MBD3: variants seen among roughly 807,000 people sequenced by gnomAD.
MBD3 encodes the protein methyl-CpG binding domain protein 3, also known as methyl-CpG-binding domain protein 3.
In MBD3, 13 loss-of-function variants were observed where a neutral mutation model predicts 31.2. The ratio of observed to expected loss-of-function variants is 0.42; its 90% confidence interval spans 0.27 to 0.66. The LOEUF (loss-of-function observed/expected upper bound fraction) is 0.66, where lower values mean the gene tolerates loss of function less well. MBD3 is among the 30% of genes least tolerant of loss of function. The pLI is 0.26. For missense variants in MBD3, 440 were observed against 426.5 expected (o/e 1.03, Z -0.28); for synonymous variants, 223 against 187.4 (o/e 1.19, Z -1.55).
At chr19:1,584,908 G>T in intron 2 of MBD3, 147 bp downstream of exon 2, 1 of 1,239,098 alleles carries the variant, frequency 8.1e-7, no homozygotes, top group Non-Finnish European at 1.1e-6. Flanking sequence ...TGCACCCTGT[G>T]GCCTGCGCCT....
chr19:1,587,111 G>GC (rs1792848984), intron 1 of MBD3, among the ~76,000 whole-genome samples: 1 of 151,820 alleles, frequency 6.6e-6, no homozygotes, highest in South Asian at 2.1e-4. Flanking sequence ...GACTACAGCT[G>GC]CCCACCACCA....
chr19:1,582,493 G>A (rs930725287), intron 4 of MBD3, 129 bp downstream of exon 4: 17 of 836,354 alleles, frequency 2.0e-5, no homozygotes, highest in South Asian at 2.0e-4. Flanking sequence ...TGCCCCAGTC[G>A]CTGGCAGATT....
chr19:1,588,795 A>AAAG (rs1426471350), intron 1 of MBD3, among the ~76,000 whole-genome samples: 1 of 151,396 alleles, frequency 6.6e-6, no homozygotes, highest in East Asian at 1.9e-4. Flanking sequence ...AAAAAAAAAA[A>AAAG]AAAAAAGGTG....
chr19:1,589,338 C>T (rs961192788), intron 1 of MBD3, among the ~76,000 whole-genome samples: 2 of 97,142 alleles, frequency 2.1e-5, no homozygotes, highest in Non-Finnish European at 3.7e-5. Context: ...GAACGAAACT[C>T]GGTCTCAAAA....
rs765411537 is a variant in MBD3 at position 1,581,141 on chromosome 19, T to C, written c.628A>G (p.Thr210Ala). Reference sequence around the variant, plus strand: ...AAGGCTTTGCACAGGGGCTGCGTGGTGTTGAGCCATACGCCGGGGTTCTTC... The same window carrying C: ...AAGGCTTTGCACAGGGGCTGCGTGGCGTTGAGCCATACGCCGGGGTTCTTC... The part of the protein sequence containing the change: ...VEKNPGVWLN[T>A]TQPLCKAFMV... Residue 210 changes from threonine to alanine, a missense_variant, in exon 5 of 7, where the codon ACC becomes GCC. By Grantham distance (58) the Thr-to-Ala change is moderately conservative. Coordinates refer to ENST00000434436, the MANE Select transcript of MBD3 (RefSeq NM_001281453.2). 1.9e-6 allele frequency: 3 copies of C among 1,613,952 alleles called. No homozygotes were observed. Among genetic ancestry groups the C allele is most frequent in the East Asian group, 4.5e-5 (2 of 44,872 alleles).
chr19:1,590,815 G>C (rs765205388), intron 1 of MBD3, among the ~76,000 whole-genome samples: 7 of 152,190 alleles, frequency 4.6e-5, no homozygotes, highest in Non-Finnish European at 1.0e-4. Flanking sequence ...AGAAAACGCA[G>C]TCTGGGAGCC....
intron 1 of MBD3, among the ~76,000 whole-genome samples, chr19:1,589,095 G>C (rs535366285): frequency 6.6e-6 from 1 of 152,262 alleles, no homozygotes; most frequent in South Asian, 2.1e-4. Context: ...ACTTTGGGAA[G>C]CAAAGGAGGG....
chr19:1,590,676 A>T (rs2060699517), intron 1 of MBD3, among the ~76,000 whole-genome samples: 2 of 152,242 alleles, frequency 1.3e-5, no homozygotes, highest in Non-Finnish European at 2.9e-5. Context: ...AATAAAGGTT[A>T]TGCCCATCTA....
Position 1,575,339 on chromosome 19 carries a change from G to A in MBD3, c.*2825C>T. 1 of 437,336 alleles carries A rather than the reference G, an allele frequency of 2.3e-6. No homozygotes were observed. Among genetic ancestry groups the A allele is most frequent in the Non-Finnish European group, 4.7e-6 (1 of 212,416 alleles). The allele number at this position is 437,336 out of a possible 1,614,324, so 27.1% of individuals were successfully genotyped here. On this transcript the variant is annotated 3_prime_UTR_variant, in exon 7 of 7. Transcript: ENST00000434436. ...GGCTTGAACCCAGAAGGTGGAGGTT[G>A]CAGTGAGCCCAGATCACGCCACTGC... is the stretch of plus-strand genomic sequence containing the variant.
chr19:1,588,904 GT>G (rs1363219296), intron 1 of MBD3, among the ~76,000 whole-genome samples: 1 of 152,090 alleles, frequency 6.6e-6, no homozygotes, highest in Non-Finnish European at 1.5e-5. Flanking sequence ...TCTTTCTAGG[GT>G]GATGGAAATT....
In MBD3 at chr19:1,575,362, T is replaced by G. The variant is rs775523740; in HGVS notation, c.*2802A>C. On this transcript the variant is annotated 3_prime_UTR_variant, in exon 7 of 7. Coordinates refer to ENST00000434436, the MANE Select transcript of MBD3 (RefSeq NM_001281453.2). ...TTGCAGTGAGCCCAGATCACGCCAC[T>G]GCACTCCAGCCTGTGCAACAAGAGC... The G allele has an allele frequency of 4.8e-6, 2 of 412,730 alleles. No individual in the cohort carries two copies. Among genetic ancestry groups the G allele is most frequent in the East Asian group, 1.6e-4 (2 of 12,174 alleles). 25.6% of individuals were successfully genotyped at this position (412,730 alleles called of 1,614,324 possible). A position where few individuals can be genotyped will look rare whatever the true frequency, so the allele number is the denominator to read the frequency against.
rs1213968003 is a variant in MBD3 at position 1,575,231 on chromosome 19, A to T, written c.*2933T>A. 2.3e-6 allele frequency: 1 copy of T among 430,438 alleles called. No homozygotes were observed. The highest frequency in any genetic ancestry group is 4.8e-6 in the Non-Finnish European group (1 of 209,356). The allele number at this position is 430,438 out of a possible 1,614,324, so 26.7% of individuals were successfully genotyped here. Reference sequence around the variant, plus strand: ...GATCACCTGAGGTTAGGAGTTCCAGACCAGACTGGCCAACATGGTGAAACC... The same window carrying T: ...GATCACCTGAGGTTAGGAGTTCCAGTCCAGACTGGCCAACATGGTGAAACC... On this transcript the variant is annotated 3_prime_UTR_variant, in exon 7 of 7. Transcript: ENST00000434436.
chr19:1,577,993 C>G lies in MBD3; in HGVS notation c.*171G>C, dbSNP rs1298838081. On this transcript the variant is annotated 3_prime_UTR_variant, in exon 7 of 7. Transcript: ENST00000434436. ...GGTGGGGGCAGCCCCAGCTGTGTGC[C>G]CCGAGGCCCCGGGAAGTGGGGACGG... 4 of 429,972 alleles carry G rather than the reference C, an allele frequency of 9.3e-6. No individual in the cohort carries two copies. The highest frequency in any genetic ancestry group is 1.7e-5 in the Non-Finnish European group (4 of 231,514). 26.6% of individuals were successfully genotyped at this position (429,972 alleles called of 1,614,324 possible).
chr19:1,584,479 T>C (rs2060668020), intron 3 of MBD3, 61 bp downstream of exon 3: 1 of 1,604,280 alleles, frequency 6.2e-7, no homozygotes, highest in Non-Finnish European at 8.5e-7. Context: ...ATTCCAAACG[T>C]CCACCCACCA....
intron 2 of MBD3, 169 bp downstream of exon 2, chr19:1,584,886 C>T (rs2060670800): frequency 1.8e-6 from 2 of 1,109,928 alleles, no homozygotes; most frequent in Non-Finnish European, 2.5e-6. Flanking sequence ...CCTCGCCATG[C>T]GCCTTGCGCT....
At position 1,584,567 on chromosome 19, in the gene MBD3, C is replaced by G. The variant is rs375461852; in HGVS notation, c.381G>C (p.Pro127=). 1 of 1,613,562 alleles carries G rather than the reference C, an allele frequency of 6.2e-7. No homozygotes were observed. Among genetic ancestry groups the G allele is most frequent in the Non-Finnish European group, 8.5e-7 (1 of 1,179,894 alleles). ...GGCGCGGCTGGTCCACCGCCTTCTG[C>G]GGGTCGCTCTTGACCTTGTTGCTGG... is the stretch of plus-strand genomic sequence containing the variant. ...NHPSNKVKSD[P]QKAVDQPRQL... Residue 127 remains proline, a synonymous_variant, in exon 3 of 7, where the codon CCG becomes CCC. Transcript: ENST00000434436.
rs988480460 is a variant in MBD3, at chr19:1,585,404, C to T, written c.111-190G>A. On this transcript the variant is annotated intron_variant, in intron 1 of 6. Coordinates refer to ENST00000434436, the MANE Select transcript of MBD3 (RefSeq NM_001281453.2). The surrounding 1 kb of genome is among the most constrained non-coding windows in gnomAD (Gnocchi z 4.1). ...CCCCAGACCCCAACCCTGGCGTGAC[C>T]CCAGACCTTCATCCCAGACCCCAGC... is the stretch of plus-strand genomic sequence containing the variant. 9 of 614,196 alleles carry T rather than the reference C, an allele frequency of 1.5e-5. No homozygotes were observed. Among genetic ancestry groups the T allele is most frequent in the Middle Eastern group, 4.5e-4 (1 of 2,238 alleles). The allele number at this position is 614,196 out of a possible 1,614,324, so 38.0% of individuals were successfully genotyped here.
rs1439700951 is a variant in MBD3, at chr19:1,575,446, G to C, written c.*2718C>G. ...AAAAGTCCCAGAAGGTCTTGGGGCTGAGACATGGGCGGGGCTGGGGGCAGC... is the reference window on the plus strand; with the variant it reads ...AAAAGTCCCAGAAGGTCTTGGGGCTCAGACATGGGCGGGGCTGGGGGCAGC... On this transcript the variant is annotated 3_prime_UTR_variant, in exon 7 of 7. Transcript: ENST00000434436. 7 of 315,136 alleles carry C rather than the reference G, an allele frequency of 2.2e-5. No individual in the cohort carries two copies. Among genetic ancestry groups the C allele is most frequent in the African/African-American group, 1.3e-4 (6 of 44,764 alleles). The allele number at this position is 315,136 out of a possible 1,614,324, so 19.5% of individuals were successfully genotyped here. A position where few individuals can be genotyped will look rare whatever the true frequency, so the allele number is the denominator to read the frequency against.
chr19:1,592,382 C>CACGCACGCAAG (rs1231088775), intron 1 of MBD3, 140 bp downstream of exon 1: 54 of 205,548 alleles, frequency 2.6e-4, no homozygotes, highest in South Asian at 8.6e-4. Flanking sequence ...GCCGGGCGCA[C>CACGCACGCAAG]ACGCACGCAA....
Sources: gnomAD v4.1 joint callset for allele counts (sites outside exome capture counted in the v4.1 genomes callset) on GRCh38, gnomAD v4.1.1 for gene constraint, Gnocchi (gnomAD v3.1) non-coding constraint, MANE v1.5 for transcripts, NCBI Gene and HGNC (gene_info 2026-07-23, HGNC 2026-07-21) for gene names.